The following EVI5 variants were observed in gnomAD, a reference collection of about 807,000 sequenced individuals.
EVI5 encodes ecotropic viral integration site 5 protein homolog.
Under a neutral mutation model 112.0 loss-of-function variants are expected in EVI5, and 73 were observed. The ratio of observed to expected loss-of-function variants is 0.65; its 90% confidence interval spans 0.54 to 0.79. The LOEUF (loss-of-function observed/expected upper bound fraction) is 0.79, where lower values mean the gene tolerates loss of function less well. Ranked by LOEUF, EVI5 falls within the 30% of genes least tolerant of loss-of-function variation. The pLI is 0.00. For synonymous variants in EVI5, 305 were observed against 319.9 expected (o/e 0.95, Z 0.50); for missense variants, 900 against 968.8 (o/e 0.93, Z 0.94).
intron 18 of EVI5, among the ~76,000 whole-genome samples, chr1:92,572,800 GCTT>G (rs1435631476): frequency 3.3e-5 from 5 of 152,028 alleles, no homozygotes; most frequent in African/African-American, 1.2e-4. Flanking sequence ...ATAGAGTACA[GCTT>G]CTTATTCTGG....
At position 92,702,111 on chromosome 1, in the gene EVI5, A is replaced by G. The variant is rs775256050; in HGVS notation, c.639+30T>C. On this transcript the variant is annotated intron_variant, in intron 5 of 19. Transcript: ENST00000684568. ...CCAATCCAACTTAATAAAAAATTTC[A>G]TTGGACATTTAATACTTATATTAAC... is the stretch of plus-strand genomic sequence containing the variant. 9 of 1,146,512 alleles carry G rather than the reference A, an allele frequency of 7.8e-6. No individual in the cohort carries two copies. In the Admixed American group the frequency reaches 2.2e-4, roughly 28 times the overall value. The allele number at this position is 1,146,512 out of a possible 1,614,324, so 71.0% of individuals were successfully genotyped here.
At chr1:92,614,680 T>A (rs1307190754) in intron 16 of EVI5, among the ~76,000 whole-genome samples, 2 of 151,924 alleles carry the variant, frequency 1.3e-5, no homozygotes, top group African/African-American at 4.8e-5. Context: ...TCTTCAGTTT[T>A]GGGACTCGGA....
At chr1:92,690,800 C>G (rs1441260636) in intron 9 of EVI5, among the ~76,000 whole-genome samples, 1 of 152,140 alleles carries the variant, frequency 6.6e-6, no homozygotes, top group Non-Finnish European at 1.5e-5. Context: ...CTGTCATTAC[C>G]TTAACCTAGT....
chr1:92,756,085 A>G, intron 1 of EVI5: 1 of 271,956 alleles, frequency 3.7e-6, no homozygotes, highest in Non-Finnish European at 7.9e-6. Flanking sequence ...TCTAGCAAGT[A>G]AATCTGAAGA....
At chr1:92,777,909 C>CT (rs11306355) in intron 1 of EVI5, among the ~76,000 whole-genome samples, 29 of 110,304 alleles carry the variant, frequency 2.6e-4, no homozygotes, top group African/African-American at 4.8e-4. Flanking sequence ...ATGCCAAAAT[C>CT]TTTTTTTTTT....
chr1:92,645,685 C>A (rs1660806334), intron 13 of EVI5, among the ~76,000 whole-genome samples: 3 of 152,196 alleles, frequency 2.0e-5, no homozygotes, highest in African/African-American at 7.2e-5. Context: ...CCAAATATCA[C>A]ATCCCCAAAT....
At chr1:92,767,893 A>C (rs1411923422) in intron 1 of EVI5, among the ~76,000 whole-genome samples, 1 of 152,150 alleles carries the variant, frequency 6.6e-6, no homozygotes, top group Non-Finnish European at 1.5e-5. Flanking sequence ...CAGCCTGGCC[A>C]ATGTGGCGAA....
chr1:92,655,959 T>C (rs1239104773), intron 13 of EVI5, among the ~76,000 whole-genome samples: 5 of 151,756 alleles, frequency 3.3e-5, no homozygotes, highest in Non-Finnish European at 7.4e-5. Context: ...AGCAAAACAA[T>C]AATAGAGAAG....
At chr1:92,528,286 C>G (rs867467552) in intron 19 of EVI5, among the ~76,000 whole-genome samples, 1 of 152,276 alleles carries the variant, frequency 6.6e-6, no homozygotes, top group Middle Eastern at 3.4e-3. Flanking sequence ...TTCGCAGTAT[C>G]GACTAAAGTT....
intron 1 of EVI5, among the ~76,000 whole-genome samples, chr1:92,759,753 T>C (rs1395127259): frequency 6.6e-6 from 1 of 152,188 alleles, no homozygotes; most frequent in Admixed American, 6.5e-5. Flanking sequence ...TGGCTTATTT[T>C]ACTTAGCATA....
intron 19 of EVI5, among the ~76,000 whole-genome samples, chr1:92,546,105 C>G (rs1052868254): frequency 5.9e-5 from 9 of 152,046 alleles, no homozygotes; most frequent in African/African-American, 2.2e-4. Flanking sequence ...CCTAGCACAG[C>G]ACTGGGATGG....
intron 1 of EVI5, among the ~76,000 whole-genome samples, chr1:92,739,668 G>A (rs981254894): frequency 1.3e-5 from 2 of 152,126 alleles, no homozygotes; most frequent in African/African-American, 4.8e-5. Context: ...AATCTCCCAT[G>A]AGAAACAGAC....
At chr1:92,557,620 AG>A (rs1459624534) in intron 19 of EVI5, among the ~76,000 whole-genome samples, 2 of 152,076 alleles carry the variant, frequency 1.3e-5, no homozygotes, top group Non-Finnish European at 2.9e-5. Context: ...TTCTTCAGGA[AG>A]GGTGTTTCAG....
At chr1:92,783,483 T>TAAAAAAAAAAAAAAA (rs774619273) in intron 1 of EVI5, among the ~76,000 whole-genome samples, 1 of 24,272 alleles carries the variant, frequency 4.1e-5, no homozygotes, top group African/African-American at 1.6e-4. Flanking sequence ...GACTCAGCCT[T>TAAAAAAAAAAAAAAA]AAAAAAAAAA....
intron 1 of EVI5, among the ~76,000 whole-genome samples, chr1:92,740,803 T>C (rs1362110881): frequency 6.6e-6 from 1 of 152,238 alleles, no homozygotes; most frequent in African/African-American, 2.4e-5. Flanking sequence ...TATGGAAAAG[T>C]ATCTAAAATA....
chr1:92,704,546 C>G lies in EVI5; in HGVS notation c.339+9G>C. The G allele has an allele frequency of 6.5e-7, 1 of 1,532,484 alleles. No individual in the cohort carries two copies. The allele number at this position is 1,532,484 out of a possible 1,614,324, so 94.9% of individuals were successfully genotyped here. The stretch of plus-strand genomic sequence containing the variant: ...TAAGAATAAGAACTTCAACAAAGAA[C>G]ATGAATACCTTAACTTGCTTTTCCT... On this transcript the variant is annotated intron_variant, in intron 3 of 19. Transcript: ENST00000684568.
intron 9 of EVI5, among the ~76,000 whole-genome samples, chr1:92,678,500 C>T (rs1190488725): frequency 6.6e-6 from 1 of 152,036 alleles, no homozygotes; most frequent in East Asian, 1.9e-4. Context: ...CACTGCACTC[C>T]AGCCTGGGAC....
At chr1:92,607,539 T>C (rs550383781) in intron 17 of EVI5, 42 bp downstream of exon 17, 5 of 1,419,320 alleles carry the variant, frequency 3.5e-6, no homozygotes, top group South Asian at 2.7e-5. Flanking sequence ...AAAGGCATTA[T>C]TATATTGACA....
chr1:92,708,412 C>T (rs553348233), intron 2 of EVI5, among the ~76,000 whole-genome samples: 2 of 152,084 alleles, frequency 1.3e-5, no homozygotes, highest in African/African-American at 4.8e-5. Context: ...AAATTGAAAA[C>T]ACAATGAGAT....
Sources: gnomAD v4.1 joint callset for allele counts (sites outside exome capture counted in the v4.1 genomes callset) on GRCh38, gnomAD v4.1.1 for gene constraint, MANE v1.5 for transcripts, NCBI Gene and HGNC (gene_info 2026-07-23, HGNC 2026-07-21) for gene names.